Variants in OBSL1 observed in about 807,000 individuals in gnomAD.
OBSL1 encodes obscurin like cytoskeletal adaptor 1, also known as obscurin-like protein 1.
In OBSL1, 160 loss-of-function variants were observed where a neutral mutation model predicts 172.0. The observed-to-expected ratio is 0.93, with a 90% CI of 0.82 to 1.06. OBSL1 has a LOEUF of 1.06. Ranked by LOEUF, OBSL1 falls within the 50% of genes least tolerant of loss-of-function variation. OBSL1 has a pLI of 0.00. For synonymous variants in OBSL1, 1,200 were observed against 1,196.3 expected, an observed-to-expected ratio of 1.00 and a Z score of -0.06; for missense variants, 2,681 against 2,715.4, an observed-to-expected ratio of 0.99 and a Z score of 0.28.
chr2:219,561,631 G>T, intron 8 of OBSL1: 1 of 406,478 alleles, frequency 2.5e-6, no homozygotes, highest in South Asian at 2.4e-5. Flanking sequence ...GTGGAAGGGT[G>T]ACTTTCTCCC....
downstream of OBSL1, chr2:219,550,048 G>A (rs62191584): frequency 2.4e-3 from 1,694 of 705,842 alleles, 3 homozygotes; most frequent in Non-Finnish European, 3.5e-3. Context: ...GCTCCCAAGA[G>A]GCTCCTGAGG....
In OBSL1 at chr2:219,552,625, C is replaced by T; in HGVS notation, c.5219G>A (p.Cys1740Tyr). Residue 1740 changes from cysteine to tyrosine, a missense_variant, in exon 18 of 21, where the codon TGC becomes TAC. Cys to Tyr is a radical substitution (Grantham distance 194). This residue lies in a region of OBSL1 where 1,765 missense variants were observed against 1,748.3 expected (regional missense o/e 1.01). Transcript: ENST00000404537. ...AREGDGATFE[C>Y]TVSEVETTGR... ...CGTGGTCTCGACCTCCGACACGGTG[C>T]ACTCGAACGTAGCGCCGTCGCCTTC... 6.4e-7 allele frequency: 1 copy of T among 1,568,090 alleles called. No homozygotes were observed.
chr2:219,553,473 T>G, intron 16 of OBSL1, 101 bp downstream of exon 16: 2 of 872,418 alleles, frequency 2.3e-6, no homozygotes, highest in Non-Finnish European at 3.8e-6. Flanking sequence ...CTTAGCACAG[T>G]GCCAGGCACA....
chr2:219,569,346 C>T (rs1271836778), intron 1 of OBSL1: 1 of 152,194 alleles, frequency 6.6e-6, no homozygotes, highest in African/African-American at 2.4e-5. Flanking sequence ...GGAGAATTTA[C>T]CAACTTTTTT....
rs773657577 is a variant in OBSL1, at chr2:219,565,517, G to T, written c.2135-3C>A. The stretch of plus-strand genomic sequence containing the variant: ...GCTCAGGATGTGCACCGGGCTCTCT[G>T]TGTGGGGAGAAGTACAGATAAGCAC... On this transcript the variant is annotated splice_polypyrimidine_tract_variant and splice_region_variant and intron_variant, in intron 5 of 20. Coordinates refer to ENST00000404537, the MANE Select transcript of OBSL1 (RefSeq NM_015311.3). 6.2e-7 allele frequency: 1 copy of T among 1,604,086 alleles called. No individual in the cohort carries two copies. Among genetic ancestry groups the T allele is most frequent in the South Asian group, 1.1e-5 (1 of 91,058 alleles).
intron 8 of OBSL1, 82 bp from the exon 9 acceptor site, chr2:219,559,579 C>T: frequency 8.1e-7 from 1 of 1,239,414 alleles, no homozygotes; most frequent in Middle Eastern, 1.9e-4. Context: ...AAGTCCCTAT[C>T]ACCCACATAA....
At chr2:219,565,163 C>G in intron 6 of OBSL1, 79 bp downstream of exon 6, 1 of 1,444,532 alleles carries the variant, frequency 6.9e-7, no homozygotes, top group Non-Finnish European at 9.3e-7. Flanking sequence ...CCCAAGTAGG[C>G]AGCAGACCAG....
Position 219,559,234 on chromosome 2 carries a change from T to C in OBSL1, c.3217A>G (p.Thr1073Ala). 6.2e-7 allele frequency: 1 copy of C among 1,603,832 alleles called. No individual in the cohort carries two copies. Among genetic ancestry groups the C allele is most frequent in the Non-Finnish European group, 8.5e-7 (1 of 1,172,610 alleles). Reference sequence around the variant, plus strand: ...TGCAGAGACTGCCCACCTGTGACAGTGACAGTGAAGAAGGCCGAGTCATCT... The same window carrying C: ...TGCAGAGACTGCCCACCTGTGACAGCGACAGTGAAGAAGGCCGAGTCATCT... ...AGDDSAFFTV[T>A]VTAPPERIVH... The change falls in exon 9 of 21, where the codon ACT becomes GCT. Residue 1073 changes from threonine to alanine, a missense_variant. Thr to Ala is a moderately conservative substitution (Grantham distance 58). Around this residue, in one of 5 missense-constraint regions of OBSL1, gnomAD observed 1,765 missense variants for 1,748.3 expected, o/e 1.01. Transcript: ENST00000404537.
intron 20 of OBSL1, chr2:219,551,044 A>T: frequency 1.4e-6 from 2 of 1,435,846 alleles, no homozygotes; most frequent in Non-Finnish European, 1.8e-6. Context: ...ACCTGAAGGG[A>T]ATGCTGGGAT....
At chr2:219,561,706 T>C (rs1442847271) in intron 8 of OBSL1, 1 of 612,816 alleles carries the variant, frequency 1.6e-6, no homozygotes, top group Non-Finnish European at 3.0e-6. Context: ...ACAGTACTTA[T>C]CACCAGGTGT....
intron 3 of OBSL1, 29 bp downstream of exon 3, chr2:219,567,689 C>T (rs776144551): frequency 1.7e-5 from 27 of 1,598,334 alleles, no homozygotes; most frequent in East Asian, 2.2e-5. Flanking sequence ...TGCCCTGCCT[C>T]GCCTGTCCAG....
Position 219,571,308 on chromosome 2 carries a change from GC to G in OBSL1, c.-77del. 1 of 964,344 alleles carries G rather than the reference GC, an allele frequency of 1.0e-6. No individual in the cohort carries two copies. Among genetic ancestry groups the G allele is most frequent in the Non-Finnish European group, 1.3e-6 (1 of 745,796 alleles). 59.7% of individuals were successfully genotyped at this position (964,344 alleles called of 1,614,324 possible). On this transcript the variant is annotated 5_prime_UTR_variant, in exon 1 of 21. Coordinates refer to ENST00000404537, the MANE Select transcript of OBSL1 (RefSeq NM_015311.3). ...TGCGGAGGGCGAGCCGAGGCCCGGG[GC>G]GGCGGGGTCGGGGCGCGGCTGGGGA...
At position 219,568,461 on chromosome 2, in the gene OBSL1, T is replaced by A; in HGVS notation, c.1013-137A>T. On this transcript the variant is annotated intron_variant, in intron 1 of 20. Transcript: ENST00000404537. The surrounding 1 kb of genome is among the most constrained non-coding windows in gnomAD (Gnocchi z 4.1). ...CGGGCACTGTGGAATCACAGAAAAC[T>A]ACCAGAAGGGAAGTGGTGGTTCCTA... 1.2e-6 allele frequency: 1 copy of A among 850,750 alleles called. No homozygotes were observed. Among genetic ancestry groups the A allele is most frequent in the Non-Finnish European group, 1.8e-6 (1 of 565,768 alleles). The allele number at this position is 850,750 out of a possible 1,614,324, so 52.7% of individuals were successfully genotyped here.
Position 219,554,759 on chromosome 2 carries a change from G to C in OBSL1, c.4610-19C>G. 1 of 1,526,694 alleles carries C rather than the reference G, an allele frequency of 6.6e-7. No individual in the cohort carries two copies. The highest frequency in any genetic ancestry group is 1.2e-5 in the South Asian group (1 of 80,206). The allele number at this position is 1,526,694 out of a possible 1,614,324, so 94.6% of individuals were successfully genotyped here. A position where few individuals can be genotyped will look rare whatever the true frequency, so the allele number is the denominator to read the frequency against. ...TGCCTCGCTGGCCGGGGGAGATGGA[G>C]AGAGGGAGGATGAGGCCTCCAGCTC... is the stretch of plus-strand genomic sequence containing the variant. On this transcript the variant is annotated intron_variant, in intron 14 of 20. Transcript: ENST00000404537.
chr2:219,562,754 CT>C, intron 7 of OBSL1, 80 bp from the exon 8 acceptor site: 2 of 1,441,632 alleles, frequency 1.4e-6, no homozygotes, highest in Non-Finnish European at 1.8e-6. Flanking sequence ...TTCCCTACCC[CT>C]GGAAAGTAGG....
Position 219,571,273 on chromosome 2 carries a change from C to CGGGGGGGGGGGGGGGG in OBSL1, c.-42_-41insCCCCCCCCCCCCCCCC. On this transcript the variant is annotated 5_prime_UTR_variant, in exon 1 of 21. Transcript: ENST00000404537. ...CCTGCAGCGGCGAACGGTGGGGGGGCAGGGGGGGGTGCGGAGGGCGAGCCG... is the reference window on the plus strand; with the variant it reads ...CCTGCAGCGGCGAACGGTGGGGGGGCGGGGGGGGGGGGGGGGAGGGGGGGGTGCGGAGGGCGAGCCG... 1.2e-6 allele frequency: 1 copy of CGGGGGGGGGGGGGGGG among 861,604 alleles called. No homozygotes were observed. The highest frequency in any genetic ancestry group is 1.5e-6 in the Non-Finnish European group (1 of 657,188). 53.4% of individuals were successfully genotyped at this position (861,604 alleles called of 1,614,324 possible).
Position 219,571,089 on chromosome 2 carries a change from G to A in OBSL1, c.144C>T (p.Gly48=). The A allele has an allele frequency of 6.8e-7, 1 of 1,469,002 alleles. No homozygotes were observed. Among genetic ancestry groups the A allele is most frequent in the Non-Finnish European group, 9.0e-7 (1 of 1,113,974 alleles). 91.0% of individuals were successfully genotyped at this position (1,469,002 alleles called of 1,614,324 possible). ...EPPPVVVWEK[G]GQQLAASERL... Reference sequence around the variant, plus strand: ...GTTCCGAGGCCGCCAGCTGCTGCCCGCCCTTCTCCCACACCACTACAGGCG... The same window carrying A: ...GTTCCGAGGCCGCCAGCTGCTGCCCACCCTTCTCCCACACCACTACAGGCG... Residue 48 remains glycine (G), a synonymous_variant, in exon 1 of 21, where the codon GGC becomes GGT. Coordinates refer to ENST00000404537, the MANE Select transcript of OBSL1 (RefSeq NM_015311.3).
At chr2:219,562,991 T>G in intron 7 of OBSL1, 1 of 477,516 alleles carries the variant, frequency 2.1e-6, no homozygotes. Context: ...AGAGGAGGGT[T>G]GGGGGGAGGA....
chr2:219,557,415 G>GT lies in OBSL1; in HGVS notation c.3993dup (p.Arg1332ThrfsTer45), dbSNP rs1559139208. 8 of 1,548,164 alleles carry GT rather than the reference G, an allele frequency of 5.2e-6. 1 individual carries two copies. The South Asian group carries it at 8.4e-5, about 16-fold the overall frequency. ...AGGTACTCCCCAGCGTCCCCGCTCC[G>GT]TGCCCCCTGCACCCGCAGCACCTGC... On this transcript the variant is annotated frameshift_variant, in exon 12 of 21. Transcript: ENST00000404537. LOFTEE classifies it high-confidence loss of function.
Sources: allele counts gnomAD v4.1 joint callset, GRCh38; gene constraint gnomAD v4.1.1; regional missense constraint gnomAD v4.1.1; non-coding constraint Gnocchi (gnomAD v3.1); transcripts MANE v1.5; gene names NCBI Gene and HGNC (gene_info 2026-07-23, HGNC 2026-07-21).